RUNX2: variants seen among roughly 807,000 people sequenced by gnomAD.
RUNX2 encodes the protein runt-related transcription factor 2.
RUNX2 carries 10 observed loss-of-function variants against 51.7 expected under a neutral mutation model. That is an observed-to-expected ratio of 0.19 (90% CI 0.12 to 0.33). The LOEUF (loss-of-function observed/expected upper bound fraction) is 0.33, where lower values mean the gene tolerates loss of function less well. RUNX2 is among the 10% of genes least tolerant of loss of function. The probability of loss-of-function intolerance (pLI) is 1.00; values close to 1 mark genes in which losing one functional copy is unlikely to be tolerated. For synonymous variants in RUNX2, 276 were observed against 273.6 expected (o/e 1.01, Z -0.09); for missense variants, 562 against 691.3 (o/e 0.81, Z 2.10).
intron 5 of RUNX2, among the ~76,000 whole-genome samples, chr6:45,459,529 A>T (rs565478820): frequency 2.7e-4 from 41 of 152,236 alleles, no homozygotes; most frequent in Non-Finnish European, 5.1e-4. Context: ...TTAATAAACA[A>T]TTAGATGGCA....
intron 4 of RUNX2, among the ~76,000 whole-genome samples, chr6:45,435,137 T>C (rs1798647610): frequency 6.6e-6 from 1 of 152,202 alleles, no homozygotes; most frequent in Non-Finnish European, 1.5e-5. Context: ...AACCCATCTC[T>C]TTTTAAAAGC....
At chr6:45,532,162 A>AT (rs3055521) in intron 7 of RUNX2, among the ~76,000 whole-genome samples, 3,665 of 85,084 alleles carry the variant, frequency 0.043, 270 homozygotes, top group East Asian at 0.16. Flanking sequence ...GAAAACCTAG[A>AT]TTTTTTTTTT....
At chr6:45,523,702 AG>A (rs1442848341) in intron 7 of RUNX2, among the ~76,000 whole-genome samples, 9 of 152,196 alleles carry the variant, frequency 5.9e-5, no homozygotes, top group Non-Finnish European at 1.3e-4. Flanking sequence ...TGGGAGGCAG[AG>A]GTGGATGGAT....
At chr6:45,396,276 A>G (rs185888873) in intron 2 of RUNX2, among the ~76,000 whole-genome samples, 1 of 152,342 alleles carries the variant, frequency 6.6e-6, no homozygotes, top group East Asian at 1.9e-4. Flanking sequence ...ATAATTACAT[A>G]TCATATTTAC....
chr6:45,520,762 C>T (rs1801480383), intron 7 of RUNX2, among the ~76,000 whole-genome samples: 1 of 152,124 alleles, frequency 6.6e-6, no homozygotes, highest in Non-Finnish European at 1.5e-5. Context: ...ACTCTGTTGC[C>T]CAGGCTGGAG....
rs925116865 is a variant in RUNX2 at position 45,550,130 on chromosome 6, C to T, written c.*2825C>T. 2.6e-5 allele frequency: 4 copies of T among 152,254 alleles called. No individual in the cohort carries two copies. The highest frequency in any genetic ancestry group is 5.9e-5 in the Non-Finnish European group (4 of 67,994). 9.4% of individuals were successfully genotyped at this position (152,254 alleles called of 1,614,324 possible). ...TACTAGTTCCTGGGAATTAAAATAGCGTGGTTCTCTTTGTAGCACAAACAT... is the reference window on the plus strand; with the variant it reads ...TACTAGTTCCTGGGAATTAAAATAGTGTGGTTCTCTTTGTAGCACAAACAT... On this transcript the variant is annotated 3_prime_UTR_variant, in exon 9 of 9. Transcript: ENST00000647337.
At chr6:45,373,916 T>C (rs936549559) in intron 2 of RUNX2, among the ~76,000 whole-genome samples, 4 of 152,186 alleles carry the variant, frequency 2.6e-5, no homozygotes, top group Admixed American at 6.5e-5. Flanking sequence ...TTATACACTA[T>C]CCATGCTGTT....
intron 2 of RUNX2, among the ~76,000 whole-genome samples, chr6:45,345,500 C>T (rs1790667303): frequency 6.6e-6 from 1 of 152,144 alleles, no homozygotes; most frequent in South Asian, 2.1e-4. Context: ...AACGCTCAAA[C>T]CTGCAGCTTA....
At chr6:45,521,112 T>A (rs1400575190) in intron 7 of RUNX2, among the ~76,000 whole-genome samples, 1 of 152,190 alleles carries the variant, frequency 6.6e-6, no homozygotes, top group Non-Finnish European at 1.5e-5. Context: ...CTTGAATCCT[T>A]ATAACCTAGC....
chr6:45,516,904 ATTGT>A lies in RUNX2; in HGVS notation c.1021+4501_1021+4504del, dbSNP rs535486484. Reference sequence around the variant, plus strand: ...GAAGCACAACTCTTTATTGAGGCTGATTGTTTGGGTCAGAGTATGAGTCTCCTAG... The same window carrying A: ...GAAGCACAACTCTTTATTGAGGCTGATTGGGTCAGAGTATGAGTCTCCTAG... On this transcript the variant is annotated intron_variant, in intron 7 of 8. Coordinates refer to ENST00000647337, the MANE Select transcript of RUNX2 (RefSeq NM_001024630.4). Among the ~76,000 whole-genome samples, 375 of 152,226 alleles carry A rather than the reference ATTGT, an allele frequency of 2.5e-3. 1 individual carries two copies. Among genetic ancestry groups the A allele is most frequent in the Non-Finnish European group, 4.0e-3 (269 of 68,004 alleles).
intron 6 of RUNX2, among the ~76,000 whole-genome samples, chr6:45,507,236 T>A (rs777404058): frequency 6.6e-6 from 1 of 152,218 alleles, no homozygotes; most frequent in Non-Finnish European, 1.5e-5. Context: ...GGATGGATTA[T>A]CCTTGCTCTG....
rs78758629 is a variant in RUNX2, at chr6:45,480,468, G to A, written c.686-11473G>A. Among the ~76,000 whole-genome samples the A allele has an allele frequency of 6.6e-3, 999 of 151,810 alleles. 6 individuals are homozygous for A. Among genetic ancestry groups the A allele is most frequent in the African/African-American group, 0.022 (930 of 41,336 alleles). ...ATAAACACAATAGTCCTTTAATGTCGTAAAACAGACTTCTGACAGACATAG... is the reference window on the plus strand; with the variant it reads ...ATAAACACAATAGTCCTTTAATGTCATAAAACAGACTTCTGACAGACATAG... On this transcript the variant is annotated intron_variant, in intron 5 of 8. Transcript: ENST00000647337.
intron 2 of RUNX2, among the ~76,000 whole-genome samples, chr6:45,401,820 C>T (rs1797717249): frequency 6.6e-6 from 1 of 152,226 alleles, no homozygotes; most frequent in Admixed American, 6.5e-5. Context: ...CCAGCTGCAG[C>T]CTTAGTGGCA....
chr6:45,508,963 G>A (rs1801060847), intron 6 of RUNX2, among the ~76,000 whole-genome samples: 2 of 152,062 alleles, frequency 1.3e-5, no homozygotes, highest in South Asian at 4.1e-4. Context: ...TCTGATCTTG[G>A]AAGTCTTTAA....
rs104893991 is a variant in RUNX2 at position 45,438,040 on chromosome 6, G to A, written c.674G>A (p.Arg225Gln). The A allele has an allele frequency of 1.2e-6, 2 of 1,604,936 alleles. No homozygotes were observed. The highest frequency in any genetic ancestry group is 1.7e-6 in the Non-Finnish European group (2 of 1,171,944). The change falls in exon 5 of 9, where the codon CGG becomes CAG. Residue 225 changes from arginine (R) to glutamine (Q), a missense_variant. Arg to Gln is a conservative substitution (Grantham distance 43, BLOSUM62 1). Coordinates refer to ENST00000647337, the MANE Select transcript of RUNX2 (RefSeq NM_001024630.4). Reference sequence around the variant, plus strand: ...ATTAAAGTTACAGTAGATGGACCTCGGGAACCCAGAAGTAAGTACTCCCCT... The same window carrying A: ...ATTAAAGTTACAGTAGATGGACCTCAGGAACCCAGAAGTAAGTACTCCCCT... ...RAIKVTVDGP[R>Q]EPRRHRQKLD...
At chr6:45,388,106 C>T (rs940216173) in intron 2 of RUNX2, among the ~76,000 whole-genome samples, 13 of 152,132 alleles carry the variant, frequency 8.5e-5, no homozygotes, top group East Asian at 3.9e-4. Flanking sequence ...TTGGGATAGA[C>T]GAAGGCTAAT....
chr6:45,405,385 A>T (rs1797811401), intron 2 of RUNX2, among the ~76,000 whole-genome samples: 1 of 152,208 alleles, frequency 6.6e-6, no homozygotes, highest in South Asian at 2.1e-4. Context: ...TAATTTGATA[A>T]ATCTTTGTTC....
chr6:45,477,852 G>A (rs1799999019), intron 5 of RUNX2, among the ~76,000 whole-genome samples: 1 of 152,164 alleles, frequency 6.6e-6, no homozygotes. Context: ...AAATACTTCA[G>A]TGTCTCCCTG....
chr6:45,360,966 A>C (rs1001807598), intron 2 of RUNX2, among the ~76,000 whole-genome samples: 1 of 152,040 alleles, frequency 6.6e-6, no homozygotes, highest in African/African-American at 2.4e-5. Flanking sequence ...CCTGCCATAT[A>C]ATAAGGACTC....
Sources: allele counts gnomAD v4.1 joint callset (sites outside exome capture counted in the v4.1 genomes callset), GRCh38; gene constraint gnomAD v4.1.1; transcripts MANE v1.5; gene names NCBI Gene and HGNC (gene_info 2026-07-23, HGNC 2026-07-21).